CES3: variants seen among roughly 807,000 people sequenced by gnomAD.
CES3 encodes the protein carboxylesterase 3 (brain).
Under a neutral mutation model 57.6 loss-of-function variants are expected in CES3, and 49 were observed. The observed-to-expected ratio is 0.85, with a 90% CI of 0.68 to 1.08. CES3 has a LOEUF of 1.08. Among genes scored for constraint, CES3 ranks in the 50% least tolerant of loss-of-function variants. CES3 has a pLI of 0.00. For synonymous variants in CES3, 266 were observed against 281.6 expected (o/e 0.94, Z 0.55); for missense variants, 645 against 742.0 (o/e 0.87, Z 1.52).
intron 6 of CES3, 49 bp downstream of exon 6, chr16:66,964,776 A>T: frequency 6.8e-7 from 1 of 1,469,910 alleles, no homozygotes; most frequent in Non-Finnish European, 9.4e-7. Context: ...CCCATACCCC[A>T]CTCTGTGCTG....
Position 66,973,104 on chromosome 16 carries a change from G to A in CES3, c.*55G>A, listed in dbSNP as rs1212491840. The A allele has an allele frequency of 3.9e-6, 6 of 1,525,850 alleles. No individual in the cohort carries two copies. The highest frequency in any genetic ancestry group is 5.4e-6 in the Non-Finnish European group (6 of 1,114,242). The allele number at this position is 1,525,850 out of a possible 1,614,324, so 94.5% of individuals were successfully genotyped here. A position where few individuals can be genotyped will look rare whatever the true frequency, so the allele number is the denominator to read the frequency against. On this transcript the variant is annotated 3_prime_UTR_variant, in exon 13 of 13. Transcript: ENST00000303334. The stretch of plus-strand genomic sequence containing the variant: ...AAACCACTCTTCAAGTGGTGGCAGA[G>A]TCCCAGCACGGCAGCCCGCCTCTCC...
chr16:66,964,307 G>C, intron 4 of CES3, 50 bp from the exon 5 acceptor site: 1 of 1,596,100 alleles, frequency 6.3e-7, no homozygotes, highest in Non-Finnish European at 8.5e-7. Flanking sequence ...ACCTGCAGAG[G>C]CTGGCGAGGA....
At chr16:66,964,982 A>G (rs777293506) in intron 6 of CES3, among the ~76,000 whole-genome samples, 22 of 152,132 alleles carry the variant, frequency 1.4e-4, no homozygotes, top group Non-Finnish European at 2.8e-4. Flanking sequence ...GGTCTTCAGG[A>G]GCACCCCTCT....
At chr16:66,966,560 C>A in intron 7 of CES3, 165 bp from the exon 8 acceptor site, 1 of 908,924 alleles carries the variant, frequency 1.1e-6, no homozygotes, top group Non-Finnish European at 1.7e-6. Flanking sequence ...GCATCTGTTG[C>A]CCTGATCTCC....
At position 66,972,854 on chromosome 16, in the gene CES3, G is replaced by T. The variant is rs144196134; in HGVS notation, c.1521G>T (p.Gly507=). Residue 507 remains glycine (G), a splice_region_variant and synonymous_variant, in exon 13 of 13, where the codon GGG becomes GGT. Transcript: ENST00000303334. ...MAQWTHFART[G]DPNSKALPPW... ...GTCCTCATTCATTCCTCCCACCCAG[G>T]GACCCCAATAGCAAGGCTCTGCCTC... 1.3e-4 allele frequency: 214 copies of T among 1,613,850 alleles called. No individual in the cohort carries two copies. Among genetic ancestry groups the T allele is most frequent in the Admixed American group, 1.5e-4 (9 of 60,000 alleles).
rs200158058 is a variant in CES3, at chr16:66,963,416, C to A, written c.287+33C>A. 550 of 1,611,136 alleles carry A rather than the reference C, an allele frequency of 3.4e-4. 2 individuals carry two copies. The highest frequency in any genetic ancestry group is 1.6e-4 in the Middle Eastern group (1 of 6,078). On this transcript the variant is annotated intron_variant, in intron 2 of 12. Transcript: ENST00000303334. The surrounding 1 kb of genome is among the most constrained non-coding windows in gnomAD (Gnocchi z 4.9). ...GTGCTGGTGGAGGCGGGCAAACAGG[C>A]AGGTTGCAGGAGAATCCTGCTGCTG...
At position 66,963,472 on chromosome 16, in the gene CES3, G is replaced by C. The variant is rs200955743; in HGVS notation, c.288-19G>C. The C allele has an allele frequency of 4.1e-5, 66 of 1,609,752 alleles. No homozygotes were observed. The highest frequency in any genetic ancestry group is 1.0e-5 in the Non-Finnish European group (12 of 1,176,548). On this transcript the variant is annotated intron_variant, in intron 2 of 12. Transcript: ENST00000303334. The surrounding 1 kb of genome is among the most constrained non-coding windows in gnomAD (Gnocchi z 4.9). ...TGTGGGGCTGAACAGCTGGACCTCAGGCCCACCCTTGGCCACAGGTGCCTA... is the reference window on the plus strand; with the variant it reads ...TGTGGGGCTGAACAGCTGGACCTCACGCCCACCCTTGGCCACAGGTGCCTA...
intron 6 of CES3, among the ~76,000 whole-genome samples, chr16:66,965,704 GC>G (rs1253702306): frequency 7.2e-5 from 11 of 152,118 alleles, no homozygotes; most frequent in Non-Finnish European, 1.5e-4. Context: ...ACAGCTCAAG[GC>G]TGAGGTTGGC....
At chr16:66,962,938 C>G in intron 1 of CES3, 1 of 686,134 alleles carries the variant, frequency 1.5e-6, no homozygotes, top group East Asian at 2.8e-5. Flanking sequence ...AAGTGGCTGG[C>G]CCCAAGGCAC....
Position 66,971,185 on chromosome 16 carries a change from AGAT to A in CES3, c.1162_1164del (p.Met388del), listed in dbSNP as rs779201905. ...CTCTTGCCCCAGGATGTGCCCCCTG[AGAT>A]GATGCCCACCGTCATAGATGAATAC... On this transcript the variant is annotated inframe_deletion, in exon 10 of 13. Coordinates refer to ENST00000303334, the MANE Select transcript of CES3 (RefSeq NM_024922.6). 1.9e-6 allele frequency: 3 copies of A among 1,613,576 alleles called. No individual in the cohort carries two copies. In the Admixed American group the frequency reaches 5.0e-5, roughly 27 times the overall value.
At chr16:66,964,836 A>C (rs1963708413) in intron 6 of CES3, 109 bp downstream of exon 6, 1 of 731,700 alleles carries the variant, frequency 1.4e-6, no homozygotes, top group Non-Finnish European at 2.2e-6. Context: ...GCTCCCTGTT[A>C]GCAAAGAGAA....
chr16:66,972,961 G>A lies in CES3; in HGVS notation c.1628G>A (p.Trp543Ter). 2.5e-6 allele frequency: 4 copies of A among 1,614,148 alleles called. No homozygotes were observed. Among genetic ancestry groups the A allele is most frequent in the Non-Finnish European group, 3.4e-6 (4 of 1,180,040 alleles). The change falls in exon 13 of 13, where the codon TGG becomes TAG. Residue 543 changes from tryptophan to a stop codon, truncating the protein, a stop_gained. Coordinates refer to ENST00000303334, the MANE Select transcript of CES3 (RefSeq NM_024922.6). LOFTEE classifies it low-confidence loss of function (END_TRUNC). Reference protein sequence around the residue: ...PRAGQKFREAWMQFWSETLPS... With the variant: ...PRAGQKFREA ...GCCGGACAGAAGTTCAGGGAGGCCT[G>A]GATGCAGTTCTGGTCAGAGACGCTC... is the stretch of plus-strand genomic sequence containing the variant.
Position 66,963,187 on chromosome 16 carries a change from G to C in CES3, c.91G>C (p.Val31Leu). The change falls in exon 2 of 13, where the codon GTT (valine) becomes CTT (leucine). Residue 31 changes from valine to leucine, a missense_variant. Transcript: ENST00000303334. This position sits in a 1 kb window ranked among gnomAD's most constrained non-coding sequence, Gnocchi z 4.9. ...ACPATATGPE[V>L]AQPEVDTTLG... ...TTCTGTCCTTCCCTCAGGGCCCGAA[G>C]TTGCTCAGCCTGAAGTAGACACCAC... 1 of 1,614,266 alleles carries C rather than the reference G, an allele frequency of 6.2e-7. No individual in the cohort carries two copies. Among genetic ancestry groups the C allele is most frequent in the Non-Finnish European group, 8.5e-7 (1 of 1,180,038 alleles).
intron 4 of CES3, 151 bp from the exon 5 acceptor site, chr16:66,964,206 C>A: frequency 9.0e-7 from 1 of 1,107,802 alleles, no homozygotes; most frequent in Non-Finnish European, 1.3e-6. Flanking sequence ...CAAAGAGCAA[C>A]AGGCTGTGGA....
rs758245250 is a variant in CES3 at position 66,964,690 on chromosome 16, C to T, written c.782C>T (p.Pro261Leu). ...AITQSGVITT[P>L]GIIDSHPWPL... ...ACACAGAGTGGGGTCATCACCACCC[C>T]AGGGATCATCGACTCTCACCCTTGG... The change falls in exon 6 of 13, where the codon CCA becomes CTA. Residue 261 changes from proline to leucine, a missense_variant. Transcript: ENST00000303334. The T allele has an allele frequency of 6.2e-7, 1 of 1,614,060 alleles. No individual in the cohort carries two copies. Among genetic ancestry groups the T allele is most frequent in the East Asian group, 2.2e-5 (1 of 44,848 alleles).
chr16:66,961,724 C>T (rs71647886), intron 1 of CES3, among the ~76,000 whole-genome samples: 184 of 152,024 alleles, frequency 1.2e-3, no homozygotes, highest in Admixed American at 2.6e-3. Context: ...CCACCATGGC[C>T]GGCTAATTTT....
At chr16:66,966,928 C>A in intron 8 of CES3, 63 bp downstream of exon 8, 1 of 1,576,240 alleles carries the variant, frequency 6.3e-7, no homozygotes, top group Non-Finnish European at 8.7e-7. Context: ...GCCACCCCAG[C>A]ATCAACACTA....
Position 66,964,700 on chromosome 16 carries a change from C to A in CES3, c.792C>A (p.Ile264=). 1 of 1,614,004 alleles carries A rather than the reference C, an allele frequency of 6.2e-7. No homozygotes were observed. The highest frequency in any genetic ancestry group is 8.5e-7 in the Non-Finnish European group (1 of 1,179,948). Residue 264 remains isoleucine (I), a synonymous_variant, in exon 6 of 13, where the codon ATC becomes ATA. Coordinates refer to ENST00000303334, the MANE Select transcript of CES3 (RefSeq NM_024922.6). ...QSGVITTPGI[I]DSHPWPLAQK... ...GGGTCATCACCACCCCAGGGATCAT[C>A]GACTCTCACCCTTGGCCCCTAGCTC...
rs139957885 is a variant in CES3, at chr16:66,964,229, G to A, written c.561-128G>A. 49 of 1,306,734 alleles carry A rather than the reference G, an allele frequency of 3.7e-5. No individual in the cohort carries two copies. The African/African-American group carries it at 4.2e-4, about 11-fold the overall frequency. The allele number at this position is 1,306,734 out of a possible 1,614,324, so 80.9% of individuals were successfully genotyped here. A position where few individuals can be genotyped will look rare whatever the true frequency, so the allele number is the denominator to read the frequency against. Reference sequence around the variant, plus strand: ...AACAGGCTGTGGAGATGCCAACCACGGCTCCCAGACAGGCCAGACCTGGGG... The same window carrying A: ...AACAGGCTGTGGAGATGCCAACCACAGCTCCCAGACAGGCCAGACCTGGGG... On this transcript the variant is annotated intron_variant, in intron 4 of 12. Transcript: ENST00000303334.
Sources: allele counts gnomAD v4.1 joint callset (sites outside exome capture counted in the v4.1 genomes callset), GRCh38; gene constraint gnomAD v4.1.1; non-coding constraint Gnocchi (gnomAD v3.1); transcripts MANE v1.5; gene names NCBI Gene and HGNC (gene_info 2026-07-23, HGNC 2026-07-21).